The following DCUN1D1 variants were observed in gnomAD, a reference collection of about 807,000 sequenced individuals.
The protein encoded by DCUN1D1 is defective in cullin neddylation 1 domain containing 1, also known as DCN1-like protein 1.
A neutral mutation model predicts 39.0 loss-of-function variants in DCUN1D1; 3 were observed. That is an observed-to-expected ratio of 0.08 (90% CI 0.04 to 0.20). The LOEUF is 0.20. DCUN1D1 is among the 10% of genes least tolerant of loss of function. The probability of loss-of-function intolerance (pLI) is 1.00; values close to 1 mark genes in which losing one functional copy is unlikely to be tolerated. For missense variants in DCUN1D1, 158 were observed against 302.4 expected (o/e 0.52, Z 3.54); for synonymous variants, 82 against 96.3 (o/e 0.85, Z 0.87).
intron 4 of DCUN1D1, chr3:182,950,797 G>C (rs1234446969): frequency 6.6e-6 from 1 of 151,782 alleles, no homozygotes; most frequent in African/African-American, 2.4e-5. Flanking sequence ...CTGGGGTCAG[G>C]AGCTCGAGAC....
chr3:182,970,281 A>C (rs1365288086), intron 1 of DCUN1D1, among the ~76,000 whole-genome samples: 1 of 152,202 alleles, frequency 6.6e-6, no homozygotes, highest in Non-Finnish European at 1.5e-5. Flanking sequence ...AAAAGAAAAG[A>C]AAAGAAATTT....
intron 1 of DCUN1D1, among the ~76,000 whole-genome samples, chr3:182,966,183 CT>C (rs1013931518): frequency 1.4e-4 from 21 of 152,092 alleles, no homozygotes; most frequent in African/African-American, 4.8e-4. Context: ...GCAAATGCCC[CT>C]GGGGAACCAT....
At position 182,944,604 on chromosome 3, in the gene DCUN1D1, A is replaced by C. The variant is rs529537626; in HGVS notation, c.*490T>G. 18 of 152,742 alleles carry C rather than the reference A, an allele frequency of 1.2e-4. No individual in the cohort carries two copies. The highest frequency in any genetic ancestry group is 4.3e-4 in the African/African-American group (18 of 41,566). The allele number at this position is 152,742 out of a possible 1,614,324, so 9.5% of individuals were successfully genotyped here. A position where few individuals can be genotyped will look rare whatever the true frequency, so the allele number is the denominator to read the frequency against. On this transcript the variant is annotated 3_prime_UTR_variant, in exon 7 of 7. Transcript: ENST00000292782. ...CAAACCAAAACACCATTCCAGATCC[A>C]GTACACTTAAATATATCACTCTCAC...
intron 1 of DCUN1D1, among the ~76,000 whole-genome samples, chr3:182,970,540 C>A (rs1727881115): frequency 6.6e-6 from 1 of 152,046 alleles, no homozygotes. Flanking sequence ...TATATTTCAG[C>A]CTGAACTTCA....
At position 182,943,948 on chromosome 3, in the gene DCUN1D1, T is replaced by C. The variant is rs777956878; in HGVS notation, c.*1146A>G. On this transcript the variant is annotated 3_prime_UTR_variant, in exon 7 of 7. Coordinates refer to ENST00000292782, the MANE Select transcript of DCUN1D1 (RefSeq NM_020640.4). ...AAAATCTTTGCTCCTGAAGTAAATA[T>C]TTGGCAACCACAGTGATTAGCAGTT... 2 of 152,644 alleles carry C rather than the reference T, an allele frequency of 1.3e-5. No individual in the cohort carries two copies. Among genetic ancestry groups the C allele is most frequent in the Admixed American group, 6.5e-5 (1 of 15,276 alleles). 9.5% of individuals were successfully genotyped at this position (152,644 alleles called of 1,614,324 possible). A position where few individuals can be genotyped will look rare whatever the true frequency, so the allele number is the denominator to read the frequency against.
chr3:182,955,485 G>A (rs1577170875), intron 4 of DCUN1D1: 1 of 534,320 alleles, frequency 1.9e-6, no homozygotes, highest in South Asian at 1.4e-5. Context: ...ACTGTCTTTT[G>A]TAAACATTTA....
rs1314993635 is a variant in DCUN1D1, at chr3:182,954,996, T to C, written c.520+6230A>G. 2.6e-5 allele frequency among the ~76,000 whole-genome samples: 4 copies of C among 152,210 alleles called. No homozygotes were observed. The South Asian group carries it at 6.2e-4, about 24-fold the overall frequency. On this transcript the variant is annotated intron_variant, in intron 4 of 6. Coordinates refer to ENST00000292782, the MANE Select transcript of DCUN1D1 (RefSeq NM_020640.4). ...CCTCATTAGGATTTCACAGTATCTT[T>C]TGTGAAATAGTCAGAAGTTGGTCAG...
intron 4 of DCUN1D1, among the ~76,000 whole-genome samples, chr3:182,960,124 G>A (rs1198012888): frequency 1.3e-5 from 2 of 152,034 alleles, no homozygotes; most frequent in Non-Finnish European, 1.5e-5. Flanking sequence ...AACACAAAAT[G>A]GACTTACATA....
At chr3:182,951,006 C>CAAAAAAAAAAAAAAAAAAA (rs56919089) in intron 4 of DCUN1D1, 1 of 46,756 alleles carries the variant, frequency 2.1e-5, no homozygotes, top group East Asian at 1.1e-3. Flanking sequence ...AACTCTGTCT[C>CAAAAAAAAAAAAAAAAAAA]AAAAAAAAAA....
chr3:182,945,159 G>A lies in DCUN1D1; in HGVS notation c.715C>T (p.Leu239Phe). ...GCAAATTCCACAAAGTCATCAATAA[G>A]AACAGGCCATGCTCCTGGAAAAAAG... is the stretch of plus-strand genomic sequence containing the variant. ...NYDEEGAWPV[L>F]IDDFVEFARP... Residue 239 changes from leucine (L) to phenylalanine (F), a missense_variant, in exon 7 of 7, where the codon CTT (leucine) becomes TTT (phenylalanine). Leu to Phe is a conservative substitution (Grantham distance 22). This residue lies in a region of DCUN1D1 where 14 missense variants were observed against 48.0 expected (regional missense o/e 0.29). Coordinates refer to ENST00000292782, the MANE Select transcript of DCUN1D1 (RefSeq NM_020640.4). The A allele has an allele frequency of 6.2e-7, 1 of 1,611,554 alleles. No homozygotes were observed. The highest frequency in any genetic ancestry group is 8.5e-7 in the Non-Finnish European group (1 of 1,179,322).
At chr3:182,964,456 G>A (rs940846603) in intron 2 of DCUN1D1, among the ~76,000 whole-genome samples, 2 of 151,946 alleles carry the variant, frequency 1.3e-5, no homozygotes, top group East Asian at 3.9e-4. Flanking sequence ...TACTTCTTAA[G>A]AGTATCAGAA....
intron 4 of DCUN1D1, among the ~76,000 whole-genome samples, chr3:182,950,224 T>C (rs1194589990): frequency 6.6e-6 from 1 of 152,140 alleles, no homozygotes; most frequent in Non-Finnish European, 1.5e-5. Flanking sequence ...CTCGGTTCAC[T>C]GCAACCTCCG....
chr3:182,958,430 T>C (rs763022079), intron 4 of DCUN1D1, among the ~76,000 whole-genome samples: 1 of 152,198 alleles, frequency 6.6e-6, no homozygotes, highest in Non-Finnish European at 1.5e-5. Context: ...TATGAATATA[T>C]TATTATTGAC....
intron 1 of DCUN1D1, among the ~76,000 whole-genome samples, chr3:182,978,503 G>A (rs1019749665): frequency 6.6e-6 from 1 of 152,132 alleles, no homozygotes; most frequent in African/African-American, 2.4e-5. Flanking sequence ...ATCCTCTGGA[G>A]TAGGGGCAAC....
chr3:182,951,947 C>T (rs1726775756), intron 4 of DCUN1D1, among the ~76,000 whole-genome samples: 1 of 152,046 alleles, frequency 6.6e-6, no homozygotes, highest in Non-Finnish European at 1.5e-5. Context: ...CCGCCCACCT[C>T]GGCTTCTCAA....
chr3:182,942,157 C>T lies in DCUN1D1; in HGVS notation c.*2937G>A, dbSNP rs1158200161. The stretch of plus-strand genomic sequence containing the variant: ...TAAGGAAGGACATGTACTTATAATG[C>T]CATATTATGCAAGTACAGTATTGTT... On this transcript the variant is annotated 3_prime_UTR_variant, in exon 7 of 7. Coordinates refer to ENST00000292782, the MANE Select transcript of DCUN1D1 (RefSeq NM_020640.4). 6.6e-6 allele frequency: 1 copy of T among 151,970 alleles called. No individual in the cohort carries two copies. The highest frequency in any genetic ancestry group is 1.5e-5 in the Non-Finnish European group (1 of 67,954). The allele number at this position is 151,970 out of a possible 1,614,324, so 9.4% of individuals were successfully genotyped here.
rs1435553481 is a variant in DCUN1D1 at position 182,945,069 on chromosome 3, T to C, written c.*25A>G. The stretch of plus-strand genomic sequence containing the variant: ...TGTTGTATTTATTGTACAGACTATG[T>C]ACATTCTAGAAGGTTCCTTTAGTGC... On this transcript the variant is annotated 3_prime_UTR_variant, in exon 7 of 7. Transcript: ENST00000292782. The C allele has an allele frequency of 6.3e-7, 1 of 1,591,406 alleles. No individual in the cohort carries two copies. Among genetic ancestry groups the C allele is most frequent in the East Asian group, 2.2e-5 (1 of 44,752 alleles).
At chr3:182,970,598 A>C (rs1727886906) in intron 1 of DCUN1D1, among the ~76,000 whole-genome samples, 1 of 152,170 alleles carries the variant, frequency 6.6e-6, no homozygotes, top group East Asian at 1.9e-4. Context: ...TAATTTTCTA[A>C]CTCAATTCTT....
chr3:182,969,688 T>TA (rs1334951642), intron 1 of DCUN1D1, among the ~76,000 whole-genome samples: 1 of 152,178 alleles, frequency 6.6e-6, no homozygotes, highest in African/African-American at 2.4e-5. Flanking sequence ...GCAATAGTTG[T>TA]AAGGCTGTAA....
Sources: gnomAD v4.1 joint callset for allele counts (sites outside exome capture counted in the v4.1 genomes callset) on GRCh38, gnomAD v4.1.1 for gene constraint, gnomAD v4.1.1 regional missense constraint, MANE v1.5 for transcripts, NCBI Gene and HGNC (gene_info 2026-07-23, HGNC 2026-07-21) for gene names.